The following TRPC5 variants were observed in gnomAD, a reference collection of about 807,000 sequenced individuals.
The protein encoded by TRPC5 is transient receptor potential cation channel subfamily C member 5.
Under a neutral mutation model 56.5 loss-of-function variants are expected in TRPC5, and 9 were observed. That is an observed-to-expected ratio of 0.16 (90% CI 0.10 to 0.28). The LOEUF (loss-of-function observed/expected upper bound fraction) is 0.28, where lower values mean the gene tolerates loss of function less well. Among genes scored for constraint, TRPC5 ranks in the 10% least tolerant of loss-of-function variants. The probability of loss-of-function intolerance (pLI) is 1.00; values close to 1 mark genes in which losing one functional copy is unlikely to be tolerated. For synonymous variants in TRPC5, 282 were observed against 278.5 expected, an observed-to-expected ratio of 1.01 and a Z score of -0.13; for missense variants, 469 against 748.9, an observed-to-expected ratio of 0.63 and a Z score of 4.36.
chrX:112,036,841 C>G (rs1213843698), intron 1 of TRPC5, among the ~76,000 whole-genome samples: 2 of 111,079 alleles, frequency 1.8e-5, no homozygotes, highest in Non-Finnish European at 3.8e-5. Flanking sequence ...ACTACAGACC[C>G]TTCTCTCCAC....
At chrX:111,952,941 G>C (rs1403493150) in intron 1 of TRPC5, among the ~76,000 whole-genome samples, 3 of 111,592 alleles carry the variant, frequency 2.7e-5, no homozygotes, top group Non-Finnish European at 3.8e-5. Context: ...AAATATTCAT[G>C]GTAACACTTC....
At chrX:112,008,614 A>AAAAAAAAAAAAAAAAAAT (rs1556608400) in intron 1 of TRPC5, among the ~76,000 whole-genome samples, 2 of 106,554 alleles carry the variant, frequency 1.9e-5, no homozygotes, top group African/African-American at 7.1e-5. Flanking sequence ...AAAAAAAAAA[A>AAAAAAAAAAAAAAAAAAT]ATATAGAGAG....
At chrX:112,081,315 G>C (rs1441556861) in intron 1 of TRPC5, among the ~76,000 whole-genome samples, 1 of 111,684 alleles carries the variant, frequency 9.0e-6, no homozygotes, top group African/African-American at 3.3e-5. Flanking sequence ...CCCTCCATTT[G>C]CATTTCTTGG....
chrX:111,964,697 A>G (rs929469452), intron 1 of TRPC5, among the ~76,000 whole-genome samples: 2 of 112,091 alleles, frequency 1.8e-5, no homozygotes, highest in African/African-American at 6.5e-5. Context: ...AGAATTTTCA[A>G]CCCAGAATTT....
Position 112,037,023 on chromosome X carries a change from G to A in TRPC5, c.-22+44856C>T, listed in dbSNP as rs111883251. On this transcript the variant is annotated intron_variant, in intron 1 of 10. Coordinates refer to ENST00000262839, the MANE Select transcript of TRPC5 (RefSeq NM_012471.3). ...TGAGCAAGGCTTCAAGCAAAGTCTG[G>A]TGACTAAATTGCAGTCTTCTTTCAA... Among the ~76,000 whole-genome samples, 8 of 111,947 alleles carry A rather than the reference G, an allele frequency of 7.1e-5. No individual in the cohort carries two copies. In the Admixed American group the frequency reaches 7.6e-4, roughly 11 times the overall value.
intron 3 of TRPC5, among the ~76,000 whole-genome samples, chrX:111,860,203 T>C (rs371085642): frequency 1.7e-3 from 191 of 112,817 alleles, no homozygotes; most frequent in Middle Eastern, 0.014. Context: ...CCACTACGCC[T>C]GGCCTACTTA....
rs1020591922 is a variant in TRPC5, at chrX:112,011,997, T to C, written c.-21-59556A>G. On this transcript the variant is annotated intron_variant, in intron 1 of 10. Coordinates refer to ENST00000262839, the MANE Select transcript of TRPC5 (RefSeq NM_012471.3). Reference sequence around the variant, plus strand: ...GGAACAATTATTACACATACTGTCATGAAAGTTATGTAAATGTTCTCTCAA... The same window carrying C: ...GGAACAATTATTACACATACTGTCACGAAAGTTATGTAAATGTTCTCTCAA... Among the ~76,000 whole-genome samples, 4 of 112,447 alleles carry C rather than the reference T, an allele frequency of 3.6e-5. No homozygotes were observed. In the Admixed American group the frequency reaches 3.8e-4, roughly 11 times the overall value.
intron 1 of TRPC5, among the ~76,000 whole-genome samples, chrX:111,984,615 A>T (rs1302023947): frequency 8.9e-6 from 1 of 111,984 alleles, no homozygotes; most frequent in African/African-American, 3.2e-5. Context: ...CAAATGTCTT[A>T]CCAATAAGCC....
At chrX:111,995,783 C>G (rs1928509872) in intron 1 of TRPC5, among the ~76,000 whole-genome samples, 1 of 111,244 alleles carries the variant, frequency 9.0e-6, no homozygotes. Flanking sequence ...TTATAGTATT[C>G]TCTGATGGTA....
At chrX:111,814,629 G>A (rs1921805026) in intron 7 of TRPC5, among the ~76,000 whole-genome samples, 1 of 110,094 alleles carries the variant, frequency 9.1e-6, no homozygotes, top group Non-Finnish European at 1.9e-5. Context: ...CTTGGTGAGT[G>A]TTGCAAACAG....
chrX:111,780,123 G>A (rs1226851514), intron 9 of TRPC5, among the ~76,000 whole-genome samples: 1 of 111,283 alleles, frequency 9.0e-6, no homozygotes, highest in Non-Finnish European at 1.9e-5. Context: ...TTCAAACGCT[G>A]TAGAACATTT....
chrX:111,950,089 C>T (rs1402389187), intron 2 of TRPC5, among the ~76,000 whole-genome samples: 1 of 111,207 alleles, frequency 9.0e-6, no homozygotes, highest in Admixed American at 9.6e-5. Context: ...CTTTGGGAGG[C>T]CAAGGTGGGC....
intron 7 of TRPC5, among the ~76,000 whole-genome samples, chrX:111,796,609 T>G (rs1331285930): frequency 8.9e-6 from 1 of 112,156 alleles, no homozygotes; most frequent in Non-Finnish European, 1.9e-5. Flanking sequence ...CACAGTGATT[T>G]TATCAAATGC....
chrX:112,068,414 G>C (rs1164665290), intron 1 of TRPC5, among the ~76,000 whole-genome samples: 1 of 112,580 alleles, frequency 8.9e-6, no homozygotes, highest in Non-Finnish European at 1.9e-5. Flanking sequence ...AGCTTAAAAG[G>C]ACAAAGCTTG....
intron 1 of TRPC5, among the ~76,000 whole-genome samples, chrX:112,023,238 TTTTTTTTG>T (rs1205533255): frequency 2.9e-4 from 28 of 97,145 alleles, no homozygotes; most frequent in African/African-American, 9.5e-4. Context: ...CCAGCAGTTT[TTTTTTTTG>T]TTTTTTTTTT....
chrX:111,834,777 A>G, intron 7 of TRPC5, 144 bp downstream of exon 7: 1 of 454,466 alleles, frequency 2.2e-6, no homozygotes, highest in Non-Finnish European at 3.7e-6. Flanking sequence ...ATTGGAAAGA[A>G]ATAATTCAGT....
chrX:111,970,519 GT>G (rs988127329), intron 1 of TRPC5, among the ~76,000 whole-genome samples: 17 of 111,357 alleles, frequency 1.5e-4, no homozygotes, highest in African/African-American at 5.5e-4. Flanking sequence ...ACAAGGTCAT[GT>G]TTCCTGCAAA....
At chrX:111,940,848 T>A (rs1926757818) in intron 2 of TRPC5, among the ~76,000 whole-genome samples, 1 of 111,748 alleles carries the variant, frequency 8.9e-6, no homozygotes, top group Admixed American at 9.5e-5. Context: ...CATCCTTTGA[T>A]TGGACAAAAG....
At chrX:112,018,307 ATATC>A (rs1929181616) in intron 1 of TRPC5, among the ~76,000 whole-genome samples, 1 of 112,649 alleles carries the variant, frequency 8.9e-6, no homozygotes, top group African/African-American at 3.2e-5. Context: ...AATTGATATT[ATATC>A]TAGGTTTGTA....
Sources: allele counts gnomAD v4.1 joint callset (sites outside exome capture counted in the v4.1 genomes callset), GRCh38; gene constraint gnomAD v4.1.1; transcripts MANE v1.5; gene names NCBI Gene and HGNC (gene_info 2026-07-23, HGNC 2026-07-21).